The following CACNA2D3 variants were observed in gnomAD, a reference collection of about 807,000 sequenced individuals.
The protein encoded by CACNA2D3 is voltage-dependent calcium channel subunit alpha-2/delta-3.
Under a neutral mutation model 160.6 loss-of-function variants are expected in CACNA2D3, and 60 were observed. The observed-to-expected ratio is 0.37, with a 90% confidence interval of 0.30 to 0.46. CACNA2D3 has a LOEUF of 0.46. CACNA2D3 is among the 20% of genes least tolerant of loss of function. The pLI, the probability that CACNA2D3 is intolerant of heterozygous loss-of-function variation, is 1.00. For synonymous variants in CACNA2D3, 558 were observed against 492.9 expected (o/e 1.13, Z -1.75); for missense variants, 1,205 against 1,365.0 (o/e 0.88, Z 1.85).
At chr3:55,004,708 A>T in intron 31 of CACNA2D3, 55 bp from the exon 32 acceptor site, 1 of 1,209,832 alleles carries the variant, frequency 8.3e-7, no homozygotes, top group South Asian at 1.2e-5. Context: ...CATAGCATCA[A>T]TTGGTTCCCG....
intron 4 of CACNA2D3, among the ~76,000 whole-genome samples, chr3:54,403,986 G>A (rs1699525122): frequency 6.6e-6 from 1 of 152,140 alleles, no homozygotes; most frequent in South Asian, 2.1e-4. Context: ...AGAGATTGAA[G>A]TAGTAATTAA....
chr3:54,562,590 C>T (rs1702343922), intron 5 of CACNA2D3, among the ~76,000 whole-genome samples: 1 of 152,144 alleles, frequency 6.6e-6, no homozygotes, highest in Non-Finnish European at 1.5e-5. Flanking sequence ...AGTAGAGGCT[C>T]CTGGGAGACT....
chr3:54,141,214 G>GA (rs566764435), intron 2 of CACNA2D3, among the ~76,000 whole-genome samples: 7 of 152,030 alleles, frequency 4.6e-5, no homozygotes, highest in African/African-American at 7.3e-5. Context: ...CTATTTGGGG[G>GA]AAAAAATTCC....
intron 27 of CACNA2D3, among the ~76,000 whole-genome samples, chr3:54,954,509 A>G (rs1055171147): frequency 6.6e-6 from 1 of 152,198 alleles, no homozygotes; most frequent in South Asian, 2.1e-4. Flanking sequence ...ATCAGGGTGC[A>G]TATCTTTCTG....
intron 35 of CACNA2D3, among the ~76,000 whole-genome samples, chr3:55,051,972 G>A (rs765683280): frequency 3.3e-5 from 5 of 152,080 alleles, no homozygotes; most frequent in Non-Finnish European, 2.9e-5. Context: ...CCTCGTGCAC[G>A]GTGCACACAC....
intron 4 of CACNA2D3, among the ~76,000 whole-genome samples, chr3:54,470,663 T>C (rs1358330022): frequency 6.6e-6 from 1 of 151,508 alleles, no homozygotes; most frequent in Non-Finnish European, 1.5e-5. Flanking sequence ...TCAAGACCCT[T>C]CAGTGTGCTG....
At chr3:54,804,849 G>A (rs372490685) in intron 13 of CACNA2D3, among the ~76,000 whole-genome samples, 21 of 152,228 alleles carry the variant, frequency 1.4e-4, no homozygotes, top group South Asian at 4.1e-4. Context: ...ATAACAAACT[G>A]TCTCTCAGAC....
chr3:54,289,478 C>T (rs967089086), intron 2 of CACNA2D3, among the ~76,000 whole-genome samples: 7 of 152,098 alleles, frequency 4.6e-5, no homozygotes, highest in African/African-American at 1.7e-4. Context: ...AATGGCCATA[C>T]TGCCCAAGGT....
intron 29 of CACNA2D3, among the ~76,000 whole-genome samples, chr3:54,981,279 G>C (rs550023910): frequency 2.0e-5 from 3 of 152,040 alleles, no homozygotes. Context: ...TCCTAGGCTC[G>C]CACTGTATCT....
At chr3:54,463,921 G>T (rs1295574902) in intron 4 of CACNA2D3, among the ~76,000 whole-genome samples, 2 of 152,142 alleles carry the variant, frequency 1.3e-5, no homozygotes, top group African/African-American at 4.8e-5. Context: ...TTTGGTCTTT[G>T]ATGATGGCGA....
chr3:54,673,265 T>G (rs1194474051), intron 11 of CACNA2D3, among the ~76,000 whole-genome samples: 1 of 152,170 alleles, frequency 6.6e-6, no homozygotes, highest in East Asian at 1.9e-4. Context: ...AAAAGGTGTT[T>G]GGGGTGGGTG....
intron 11 of CACNA2D3, among the ~76,000 whole-genome samples, chr3:54,724,086 A>G (rs1194196752): frequency 1.3e-5 from 2 of 152,232 alleles, no homozygotes; most frequent in African/African-American, 4.8e-5. Context: ...TACCAAGGAA[A>G]TGGAAAGCAA....
chr3:54,627,696 G>A (rs1461004682), intron 9 of CACNA2D3, 91 bp from the exon 10 acceptor site: 2 of 770,216 alleles, frequency 2.6e-6, no homozygotes, highest in East Asian at 5.3e-5. Flanking sequence ...GACAATCATT[G>A]GTCTTGCCAT....
chr3:54,619,233 C>T (rs1698928868), intron 9 of CACNA2D3, among the ~76,000 whole-genome samples: 1 of 152,194 alleles, frequency 6.6e-6, no homozygotes, highest in Non-Finnish European at 1.5e-5. Flanking sequence ...TCACATAATA[C>T]GTCTCCTCTT....
At chr3:54,370,341 C>T (rs1167361958) in intron 3 of CACNA2D3, among the ~76,000 whole-genome samples, 4 of 152,194 alleles carry the variant, frequency 2.6e-5, no homozygotes, top group Non-Finnish European at 5.9e-5. Context: ...TTACTTTTAT[C>T]TCAATAATAT....
In CACNA2D3 at chr3:54,776,242, A is replaced by C. The variant is rs542722437; in HGVS notation, c.1380+11891A>C. On this transcript the variant is annotated intron_variant, in intron 13 of 37. Transcript: ENST00000474759. ...TCTAAGAGGTCGGGAGGCTGCCTGC[A>C]GTGGCTTATACCTGTAATTCCAGCA... Among the ~76,000 whole-genome samples, 10 of 152,318 alleles carry C rather than the reference A, an allele frequency of 6.6e-5. No individual in the cohort carries two copies. In the East Asian group the frequency reaches 7.7e-4, roughly 12 times the overall value.
At chr3:54,876,754 G>C (rs1005463860) in intron 18 of CACNA2D3, among the ~76,000 whole-genome samples, 8 of 152,124 alleles carry the variant, frequency 5.3e-5, no homozygotes, top group Non-Finnish European at 7.3e-5. Flanking sequence ...TAAGTTTGAG[G>C]GGTTTAAAAT....
Position 55,073,555 on chromosome 3 carries a change from G to T in CACNA2D3, c.3098G>T (p.Arg1033Met), listed in dbSNP as rs199627226. Residue 1033 changes from arginine to methionine, a missense_variant and splice_region_variant, in exon 36 of 38, where the codon AGG becomes ATG. By Grantham distance (91) the Arg-to-Met change is moderately conservative (BLOSUM62 -1). Transcript: ENST00000474759. Reference sequence around the variant, plus strand: ...ATCACCATGGCACCCATTGAAATCAGGTATATCCTTTTGTGTGCAGGTCCA... The same window carrying T: ...ATCACCATGGCACCCATTGAAATCATGTATATCCTTTTGTGTGCAGGTCCA... ...APITMAPIEI[R>M]YNESLKCERL... 1.3e-5 allele frequency: 21 copies of T among 1,612,430 alleles called. No homozygotes were observed. The highest frequency in any genetic ancestry group is 1.5e-5 in the Non-Finnish European group (18 of 1,178,684).
At chr3:54,654,042 G>A (rs1699828464) in intron 11 of CACNA2D3, among the ~76,000 whole-genome samples, 1 of 152,074 alleles carries the variant, frequency 6.6e-6, no homozygotes, top group South Asian at 2.1e-4. Context: ...TATTTTGCAG[G>A]TGAGAGAGCT....
Sources: allele counts gnomAD v4.1 joint callset (sites outside exome capture counted in the v4.1 genomes callset), GRCh38; gene constraint gnomAD v4.1.1; transcripts MANE v1.5; gene names NCBI Gene and HGNC (gene_info 2026-07-23, HGNC 2026-07-21).